The following KLF12 variants were observed in gnomAD, a reference collection of about 807,000 sequenced individuals.
The protein encoded by KLF12 is Krueppel-like factor 12.
Under a neutral mutation model 37.8 loss-of-function variants are expected in KLF12, and 9 were observed. The ratio of observed to expected loss-of-function variants is 0.24; its 90% confidence interval spans 0.14 to 0.42. KLF12 has a LOEUF of 0.42. Ranked by LOEUF, KLF12 falls within the 10% of genes least tolerant of loss-of-function variation. The pLI is 1.00. For synonymous variants in KLF12, 208 were observed against 202.1 expected, an observed-to-expected ratio of 1.03 and a Z score of -0.25; for missense variants, 411 against 516.0, an observed-to-expected ratio of 0.80 and a Z score of 1.97.
intron 3 of KLF12, among the ~76,000 whole-genome samples, chr13:73,908,968 C>T (rs563426512): frequency 7.2e-5 from 11 of 152,216 alleles, no homozygotes; most frequent in South Asian, 6.2e-4. Flanking sequence ...AATGACAACA[C>T]GAGGTACAGT....
chr13:74,119,510 A>G (rs1229131869), intron 1 of KLF12, among the ~76,000 whole-genome samples: 1 of 152,222 alleles, frequency 6.6e-6, no homozygotes, highest in African/African-American at 2.4e-5. Context: ...ACATGCATGA[A>G]CAGAGAAATT....
At chr13:74,300,022 A>G in the KLF12 span, among the ~76,000 whole-genome samples, 1 of 152,184 alleles carries the variant, frequency 6.6e-6, no homozygotes, top group East Asian at 1.9e-4. Context: ...CCCTGTATGT[A>G]AAGAGTATCC....
chr13:74,065,228 A>ATG (rs545035096), intron 1 of KLF12, among the ~76,000 whole-genome samples: 11 of 100,900 alleles, frequency 1.1e-4, no homozygotes, highest in Admixed American at 1.1e-3. Flanking sequence ...ACACACATGT[A>ATG]TATATATATA....
intron 5 of KLF12, among the ~76,000 whole-genome samples, chr13:73,804,632 C>T (rs143620603): frequency 9.5e-4 from 145 of 152,210 alleles, no homozygotes; most frequent in Non-Finnish European, 1.9e-3. Context: ...TATCTACAGT[C>T]ATTCACAGTC....
the KLF12 span, among the ~76,000 whole-genome samples, chr13:74,243,640 C>A: frequency 1.0e-3 from 155 of 152,198 alleles, no homozygotes; most frequent in Non-Finnish European, 1.8e-3. Flanking sequence ...TTTTAATGGT[C>A]GCCATTCTAA....
At chr13:73,844,091 T>A (rs1884888912) in intron 4 of KLF12, among the ~76,000 whole-genome samples, 2 of 152,106 alleles carry the variant, frequency 1.3e-5, no homozygotes. Flanking sequence ...GCAACATTAA[T>A]ATCTTTATTA....
In KLF12 at chr13:73,693,814, A is replaced by G. The variant is rs1276087856; in HGVS notation, c.*1676T>C. On this transcript the variant is annotated 3_prime_UTR_variant, in exon 8 of 8. Transcript: ENST00000377669. ...TCTAGCAACAACAACAATAACAACA[A>G]AAAATCTCACCAGCCCCTCAGCCAC... 2.0e-5 allele frequency: 3 copies of G among 152,624 alleles called. No individual in the cohort carries two copies. Among genetic ancestry groups the G allele is most frequent in the Non-Finnish European group, 4.4e-5 (3 of 68,040 alleles). 9.5% of individuals were successfully genotyped at this position (152,624 alleles called of 1,614,324 possible).
the KLF12 span, among the ~76,000 whole-genome samples, chr13:74,185,956 C>T: frequency 6.6e-6 from 1 of 152,064 alleles, no homozygotes; most frequent in East Asian, 1.9e-4. Context: ...GACTTCTTAA[C>T]TTTGTGGTAG....
the KLF12 span, among the ~76,000 whole-genome samples, chr13:74,152,611 T>A: frequency 6.6e-6 from 1 of 152,148 alleles, no homozygotes. Context: ...AGCTGTGTGC[T>A]GTGGCTTACA....
chr13:73,740,858 G>C (rs1409190862), intron 6 of KLF12, among the ~76,000 whole-genome samples: 1 of 152,162 alleles, frequency 6.6e-6, no homozygotes. Flanking sequence ...ACTTGGGAAA[G>C]TGCAGCAAGA....
intron 7 of KLF12, among the ~76,000 whole-genome samples, chr13:73,703,199 C>T (rs544625279): frequency 6.6e-6 from 1 of 152,190 alleles, no homozygotes; most frequent in East Asian, 1.9e-4. Context: ...ACACTACATA[C>T]CTGGCAAATA....
intron 3 of KLF12, among the ~76,000 whole-genome samples, chr13:73,879,688 AG>A (rs1038527066): frequency 6.6e-5 from 10 of 152,228 alleles, no homozygotes; most frequent in Non-Finnish European, 1.0e-4. Flanking sequence ...AAAGCAGTAG[AG>A]GGCCTTGGTG....
intron 1 of KLF12, among the ~76,000 whole-genome samples, chr13:74,116,244 A>T (rs1877297140): frequency 6.6e-6 from 1 of 152,204 alleles, no homozygotes; most frequent in Non-Finnish European, 1.5e-5. Flanking sequence ...CACAATGCCC[A>T]ATGACAGATC....
At chr13:73,910,563 T>C (rs1253315782) in intron 3 of KLF12, among the ~76,000 whole-genome samples, 2 of 152,138 alleles carry the variant, frequency 1.3e-5, no homozygotes, top group African/African-American at 2.4e-5. Context: ...CTTTATAAGA[T>C]AAATAGTTAA....
At chr13:73,899,351 G>A (rs1246542198) in intron 3 of KLF12, among the ~76,000 whole-genome samples, 2 of 152,180 alleles carry the variant, frequency 1.3e-5, no homozygotes, top group Non-Finnish European at 2.9e-5. Flanking sequence ...CCTAATGGAA[G>A]GAGGGGAAGT....
the KLF12 span, among the ~76,000 whole-genome samples, chr13:74,170,552 A>C: frequency 7.2e-5 from 11 of 152,304 alleles, no homozygotes; most frequent in South Asian, 2.3e-3. Context: ...TAGGAACCTC[A>C]GATTCTAATA....
At chr13:74,297,726 G>C in the KLF12 span, among the ~76,000 whole-genome samples, 1 of 152,148 alleles carries the variant, frequency 6.6e-6, no homozygotes, top group Non-Finnish European at 1.5e-5. Context: ...ATGTTATACA[G>C]AGATTTCTAT....
intron 1 of KLF12, among the ~76,000 whole-genome samples, chr13:74,118,860 T>C (rs1005130908): frequency 3.3e-5 from 5 of 150,548 alleles, no homozygotes; most frequent in African/African-American, 1.2e-4. Flanking sequence ...AGAGAAAAAA[T>C]AATGAAAGAA....
chr13:73,999,577 C>CAAAA (rs5804706), intron 1 of KLF12, among the ~76,000 whole-genome samples: 1 of 145,862 alleles, frequency 6.9e-6, no homozygotes, highest in South Asian at 2.2e-4. Context: ...ACTAAAAATA[C>CAAAA]AAAAAAAAAA....
Sources: gnomAD v4.1 joint callset for allele counts (sites outside exome capture counted in the v4.1 genomes callset) on GRCh38, gnomAD v4.1.1 for gene constraint, MANE v1.5 for transcripts, NCBI Gene and HGNC (gene_info 2026-07-23, HGNC 2026-07-21) for gene names.